COL3A1: variants seen among roughly 807,000 people sequenced by gnomAD.
COL3A1 encodes the protein collagen type III alpha 1 chain.
In COL3A1, 46 loss-of-function variants were observed where a neutral mutation model predicts 200.9. The ratio of observed to expected loss-of-function variants is 0.23; its 90% CI spans 0.18 to 0.29. COL3A1 has a LOEUF of 0.29. COL3A1 is among the 10% of genes least tolerant of loss of function. The probability of loss-of-function intolerance (pLI) is 1.00; values close to 1 mark genes in which losing one functional copy is unlikely to be tolerated. For synonymous variants in COL3A1, 650 were observed against 628.0 expected (o/e 1.03, Z -0.52); for missense variants, 1,367 against 1,917.6 (o/e 0.71, Z 5.36).
chr2:188,998,006 A>T (rs942417542), intron 27 of COL3A1, among the ~76,000 whole-genome samples: 1 of 152,232 alleles, frequency 6.6e-6, no homozygotes, highest in African/African-American at 2.4e-5. Context: ...ACATAAATCC[A>T]TATAGCCAAG....
At position 188,974,438 on chromosome 2, in the gene COL3A1, T is replaced by C. The variant is rs953557225; in HGVS notation, c.-52T>C. On this transcript the variant is annotated 5_prime_UTR_variant, in exon 1 of 51. Transcript: ENST00000304636. ...ACAACTTGATGGTGCTACTTTGAACTGCTTTTCTTTTCTCCTTTTTGCACA... is the reference window on the plus strand; with the variant it reads ...ACAACTTGATGGTGCTACTTTGAACCGCTTTTCTTTTCTCCTTTTTGCACA... The C allele has an allele frequency of 4.2e-6, 6 of 1,441,782 alleles. No homozygotes were observed. The highest frequency in any genetic ancestry group is 2.9e-6 in the Non-Finnish European group (3 of 1,026,012). 89.3% of individuals were successfully genotyped at this position (1,441,782 alleles called of 1,614,324 possible).
At chr2:188,998,345 C>T (rs1302770996) in intron 28 of COL3A1, 26 bp downstream of exon 28, 2 of 1,600,940 alleles carry the variant, frequency 1.2e-6, no homozygotes, top group African/African-American at 2.7e-5. Flanking sequence ...TTATTCAAAA[C>T]TCAGAAACAA....
In COL3A1 at chr2:188,985,778, G is replaced by C; in HGVS notation, c.447G>C (p.Gln149His). Residue 149 changes from glutamine to histidine, a missense_variant and splice_region_variant, in exon 4 of 51, where the codon CAG becomes CAC. By Grantham distance (24) the Gln-to-His change is conservative (BLOSUM62 0). Coordinates refer to ENST00000304636, the MANE Select transcript of COL3A1 (RefSeq NM_000090.4). ...GTGAATCATGCCCTACTGGTCCTCA[G>C]GTATAACAATTACGGTACTTAAAAA... ...GICESCPTGP[Q>H]NYSPQYDSYD... 1 of 1,603,944 alleles carries C rather than the reference G, an allele frequency of 6.2e-7. No individual in the cohort carries two copies. The highest frequency in any genetic ancestry group is 8.5e-7 in the Non-Finnish European group (1 of 1,171,866).
Position 188,984,747 on chromosome 2 carries a change from A to C in COL3A1, c.80-13A>C, listed in dbSNP as rs566189676. 284 of 1,612,300 alleles carry C rather than the reference A, an allele frequency of 1.8e-4. 1 individual carries two copies. In the South Asian group the frequency reaches 2.9e-3, roughly 17 times the overall value. On this transcript the variant is annotated splice_polypyrimidine_tract_variant and intron_variant, in intron 1 of 50. Transcript: ENST00000304636. ...ACCTAAGGAAACTTCACGTCATCTA[A>C]CTTGTTTTTCAGCTGTTGAAGGAGG...
At chr2:189,004,434 A>G in intron 40 of COL3A1, 70 bp downstream of exon 40, 1 of 1,406,706 alleles carries the variant, frequency 7.1e-7, no homozygotes, top group African/African-American at 1.4e-5. Context: ...TAACCATATC[A>G]AGGATGAAAA....
rs370338640 is a variant in COL3A1 at position 188,994,499 on chromosome 2, G to A, written c.1294-42G>A. 6.2e-6 allele frequency: 10 copies of A among 1,605,656 alleles called. No individual in the cohort carries two copies. The highest frequency in any genetic ancestry group is 4.5e-5 in the East Asian group (2 of 44,822). ...TGTTACTGGTGATGATTTGTTAGTC[G>A]AATCCTCCCTGTGTTTCAACCAAGA... On this transcript the variant is annotated intron_variant, in intron 18 of 50. Coordinates refer to ENST00000304636, the MANE Select transcript of COL3A1 (RefSeq NM_000090.4). The surrounding 1 kb of genome is among the most constrained non-coding windows in gnomAD (Gnocchi z 4.5).
At position 189,007,761 on chromosome 2, in the gene COL3A1, G is replaced by A. The variant is rs540289009; in HGVS notation, c.3364-124G>A. The A allele has an allele frequency of 5.4e-6, 7 of 1,292,402 alleles. No individual in the cohort carries two copies. The East Asian group carries it at 9.3e-5, about 17-fold the overall frequency. 80.1% of individuals were successfully genotyped at this position (1,292,402 alleles called of 1,614,324 possible). On this transcript the variant is annotated intron_variant, in intron 45 of 50. Transcript: ENST00000304636. ...AAACAACAATCAGCATGACACAATGGGAAGATTAAAGAAAGAAAAAAAATT... is the reference window on the plus strand; with the variant it reads ...AAACAACAATCAGCATGACACAATGAGAAGATTAAAGAAAGAAAAAAAATT...
rs1330285574 is a variant in COL3A1 at position 188,996,174 on chromosome 2, C to A, written c.1658C>A (p.Pro553His). ...CCAGGAAGTGATGGGAAACCAGGGC[C>A]TCCCGTATGTACATTTTTAAAATCT... Reference protein sequence around the residue: ...GGPGSDGKPGPPGSQGESGRP... With the variant: ...GGPGSDGKPGHPGSQGESGRP... Residue 553 changes from proline to histidine, a missense_variant, in exon 23 of 51, where the codon CCT (proline) becomes CAT (histidine). Pro to His is a moderately conservative substitution (Grantham distance 77). Transcript: ENST00000304636. 6.2e-7 allele frequency: 1 copy of A among 1,613,298 alleles called. No homozygotes were observed. Among genetic ancestry groups the A allele is most frequent in the East Asian group, 2.2e-5 (1 of 44,800 alleles).
chr2:188,988,970 A>G (rs72912634), intron 7 of COL3A1, among the ~76,000 whole-genome samples: 3,414 of 151,798 alleles, frequency 0.022, 49 homozygotes, highest in African/African-American at 0.038. Flanking sequence ...TGATAAATAT[A>G]GTTATATATT....
intron 47 of COL3A1, 177 bp from the exon 48 acceptor site, chr2:189,008,747 G>T: frequency 1.2e-5 from 8 of 653,682 alleles, no homozygotes; most frequent in South Asian, 1.1e-4. Flanking sequence ...ATGAATTGTA[G>T]TTATTATAAA....
At chr2:188,987,176 T>A (rs369476950) in intron 5 of COL3A1, 37 bp downstream of exon 5, 3 of 1,539,664 alleles carry the variant, frequency 1.9e-6, no homozygotes, top group African/African-American at 1.4e-5. Flanking sequence ...TGGAGCTTTA[T>A]TATCTTTCTG....
At chr2:189,009,603 TAAAC>T (rs1477069707) in intron 48 of COL3A1, among the ~76,000 whole-genome samples, 5 of 152,176 alleles carry the variant, frequency 3.3e-5, no homozygotes, top group African/African-American at 9.6e-5. Flanking sequence ...ATTTTCAAAT[TAAAC>T]AAGTGAAAAA....
intron 50 of COL3A1, among the ~76,000 whole-genome samples, 192 bp from the exon 51 acceptor site, chr2:189,011,436 A>G (rs948879685): frequency 1.3e-5 from 2 of 152,204 alleles, no homozygotes; most frequent in South Asian, 2.1e-4. Context: ...CTTACAAGGC[A>G]TTTGTTTAAG....
At position 189,010,736 on chromosome 2, in the gene COL3A1, A is replaced by G. The variant is rs746580509; in HGVS notation, c.4100A>G (p.Asn1367Ser). The G allele has an allele frequency of 3.1e-6, 5 of 1,614,156 alleles. No homozygotes were observed. Among genetic ancestry groups the G allele is most frequent in the Middle Eastern group, 1.6e-4 (1 of 6,062 alleles). ...LRLLSSRASQ[N>S]ITYHCKNSIA... ...CTTCTCTCCAGCCGAGCTTCCCAGAACATCACATATCACTGCAAAAATAGC... is the reference window on the plus strand; with the variant it reads ...CTTCTCTCCAGCCGAGCTTCCCAGAGCATCACATATCACTGCAAAAATAGC... The change falls in exon 50 of 51, where the codon AAC becomes AGC. Residue 1367 changes from asparagine to serine, a missense_variant. By Grantham distance (46) the Asn-to-Ser change is conservative. This residue lies in a region of COL3A1 where 846 missense variants were observed against 1,147.9 expected (regional missense o/e 0.74). Coordinates refer to ENST00000304636, the MANE Select transcript of COL3A1 (RefSeq NM_000090.4).
chr2:189,002,201 T>G (rs748887241), intron 34 of COL3A1, 97 bp from the exon 35 acceptor site: 136 of 1,049,788 alleles, frequency 1.3e-4, no homozygotes, highest in Non-Finnish European at 1.9e-4. Context: ...ATTTCCTGCT[T>G]AAAGGAAAGA....
intron 1 of COL3A1, among the ~76,000 whole-genome samples, chr2:188,978,756 C>CAAAAAAAAA (rs55694521): frequency 3.4e-5 from 3 of 87,810 alleles, no homozygotes; most frequent in African/African-American, 1.3e-4. Context: ...TTTCCACACT[C>CAAAAAAAAA]AAAAAAAAAA....
chr2:189,005,629 T>C (rs1306320803), intron 41 of COL3A1, 172 bp downstream of exon 41: 3 of 694,982 alleles, frequency 4.3e-6, no homozygotes, highest in Non-Finnish European at 7.8e-6. Flanking sequence ...TAAAAGCTCT[T>C]GTTCATTAGT....
intron 1 of COL3A1, among the ~76,000 whole-genome samples, chr2:188,981,982 A>G (rs1687963044): frequency 6.6e-6 from 1 of 151,704 alleles, no homozygotes; most frequent in Non-Finnish European, 1.5e-5. Flanking sequence ...ATTTATTTCA[A>G]GTGGATGTGA....
chr2:189,005,179 A>G (rs1467838167), intron 40 of COL3A1, among the ~76,000 whole-genome samples, 171 bp from the exon 41 acceptor site: 1 of 152,234 alleles, frequency 6.6e-6, no homozygotes. Context: ...TAGAAAATGC[A>G]AGAAGCTTGC....
Sources: allele counts gnomAD v4.1 joint callset (sites outside exome capture counted in the v4.1 genomes callset), GRCh38; gene constraint gnomAD v4.1.1; regional missense constraint gnomAD v4.1.1; non-coding constraint Gnocchi (gnomAD v3.1); transcripts MANE v1.5; gene names NCBI Gene and HGNC (gene_info 2026-07-23, HGNC 2026-07-21).